Variants in EYS observed in about 807,000 individuals in gnomAD.
EYS encodes EGF-like photoreceptor maintenance factor.
In EYS, 250 loss-of-function variants were observed where a neutral mutation model predicts 282.1. The ratio of observed to expected loss-of-function variants is 0.89; its 90% CI spans 0.80 to 0.98. EYS has a LOEUF of 0.98. Among genes scored for constraint, EYS ranks in the 50% least tolerant of loss-of-function variants. The pLI is 0.00. For missense variants in EYS, 4,016 were observed against 3,709.0 expected (o/e 1.08, Z -2.15); for synonymous variants, 1,355 against 1,282.9 (o/e 1.06, Z -1.20).
At chr6:65,087,992 C>T (rs1037858852) in intron 12 of EYS, among the ~76,000 whole-genome samples, 10 of 152,082 alleles carry the variant, frequency 6.6e-5, no homozygotes, top group African/African-American at 2.4e-4. Flanking sequence ...TTATAAGAGT[C>T]AGGCATCTTC....
intron 12 of EYS, among the ~76,000 whole-genome samples, chr6:65,060,230 CTT>C (rs34441532): frequency 2.1e-4 from 31 of 146,342 alleles, no homozygotes; most frequent in African/African-American, 7.0e-4. Context: ...ACAAGGAAGA[CTT>C]TTTTTTTTTT....
At chr6:64,617,001 A>G (rs1767294176) in intron 24 of EYS, among the ~76,000 whole-genome samples, 1 of 152,148 alleles carries the variant, frequency 6.6e-6, no homozygotes, top group African/African-American at 2.4e-5. Context: ...CTGAGGAAGC[A>G]GATCCGTCCT....
chr6:65,212,490 G>A (rs1299778295), intron 12 of EYS, among the ~76,000 whole-genome samples: 1 of 152,020 alleles, frequency 6.6e-6, no homozygotes. Context: ...TTTCTCATAT[G>A]TTAGCCACTA....
chr6:65,413,324 A>G (rs1238468890), intron 5 of EYS, among the ~76,000 whole-genome samples: 1 of 152,164 alleles, frequency 6.6e-6, no homozygotes, highest in Non-Finnish European at 1.5e-5. Flanking sequence ...GCAATGTACA[A>G]AATAGATTTT....
chr6:64,807,921 C>G (rs1764480335), intron 22 of EYS, among the ~76,000 whole-genome samples: 1 of 151,956 alleles, frequency 6.6e-6, no homozygotes, highest in African/African-American at 2.4e-5. Context: ...GTGGTTCATT[C>G]ATTTTACTAT....
At chr6:65,333,245 T>A (rs907683358) in intron 11 of EYS, among the ~76,000 whole-genome samples, 1 of 151,596 alleles carries the variant, frequency 6.6e-6, no homozygotes, top group African/African-American at 2.4e-5. Context: ...CCATTTTCAA[T>A]AATCTCAAAG....
intron 12 of EYS, among the ~76,000 whole-genome samples, chr6:65,086,533 G>A (rs1774381572): frequency 1.3e-5 from 2 of 152,090 alleles, no homozygotes; most frequent in South Asian, 4.1e-4. Flanking sequence ...AAAAGGGAAT[G>A]GAAGCAGAGA....
chr6:64,099,266 A>G (rs187924667), intron 31 of EYS, among the ~76,000 whole-genome samples: 10 of 152,358 alleles, frequency 6.6e-5, no homozygotes, highest in Admixed American at 2.6e-4. Flanking sequence ...ATGAATAATA[A>G]TTAGTAAGTA....
At chr6:65,045,579 A>C (rs772224587) in intron 13 of EYS, among the ~76,000 whole-genome samples, 5 of 151,884 alleles carry the variant, frequency 3.3e-5, no homozygotes, top group Non-Finnish European at 7.4e-5. Context: ...CCCTTCTGCC[A>C]TGTCAGGTTA....
At position 64,407,784 on chromosome 6, in the gene EYS, T is replaced by A. The variant is rs769524010; in HGVS notation, c.5928-18944A>T. Among the ~76,000 whole-genome samples, 8 of 152,212 alleles carry A rather than the reference T, an allele frequency of 5.3e-5. 1 individual carries two copies. Among genetic ancestry groups the A allele is most frequent in the Non-Finnish European group, 1.2e-4 (8 of 68,008 alleles). On this transcript the variant is annotated intron_variant, in intron 28 of 42. Coordinates refer to ENST00000503581, the MANE Select transcript of EYS (RefSeq NM_001142800.2). ...TTTGCTCTTGTTGCCCAGGCTGGAG[T>A]GCAATGGTGTGATCTTGGCTCACTG...
At chr6:65,067,309 A>G (rs1327089276) in intron 12 of EYS, among the ~76,000 whole-genome samples, 1 of 152,142 alleles carries the variant, frequency 6.6e-6, no homozygotes, top group African/African-American at 2.4e-5. Context: ...GACATAATTA[A>G]ATGATTATTC....
At chr6:63,841,217 G>T (rs918662502) in intron 36 of EYS, among the ~76,000 whole-genome samples, 2 of 152,060 alleles carry the variant, frequency 1.3e-5, no homozygotes, top group Non-Finnish European at 2.9e-5. Flanking sequence ...TCTTTAAAAA[G>T]ATAGTTATTT....
chr6:64,658,442 T>G (rs911565669), intron 22 of EYS, among the ~76,000 whole-genome samples: 1 of 152,208 alleles, frequency 6.6e-6, no homozygotes, highest in Non-Finnish European at 1.5e-5. Context: ...TTTTTAGAGT[T>G]TCCAGTTTTT....
intron 34 of EYS, among the ~76,000 whole-genome samples, chr6:63,993,608 G>C (rs1406353308): frequency 2.0e-5 from 3 of 151,682 alleles, no homozygotes; most frequent in African/African-American, 7.3e-5. Flanking sequence ...ATAAACTTAA[G>C]AGGGCAAAAA....
intron 2 of EYS, among the ~76,000 whole-genome samples, chr6:65,575,294 TC>T (rs1250860986): frequency 6.6e-6 from 1 of 150,610 alleles, no homozygotes; most frequent in African/African-American, 2.4e-5. Flanking sequence ...GCCACTGCAC[TC>T]CAGCCTGGGT....
intron 8 of EYS, among the ~76,000 whole-genome samples, chr6:65,367,398 TA>T (rs1582195116): frequency 6.6e-6 from 1 of 151,922 alleles, no homozygotes; most frequent in African/African-American, 2.4e-5. Context: ...GGCGAATTTT[TA>T]AATAATAAAA....
chr6:65,417,944 A>C (rs139407570), intron 5 of EYS, among the ~76,000 whole-genome samples: 1 of 152,004 alleles, frequency 6.6e-6, no homozygotes, highest in African/African-American at 2.4e-5. Context: ...CATGGGGAGC[A>C]AATAGATATG....
chr6:63,864,065 A>AC (rs1772612253), intron 36 of EYS, 121 bp downstream of exon 36: 1 of 968,018 alleles, frequency 1.0e-6, no homozygotes, highest in Admixed American at 3.6e-5. Context: ...CTTGAAAAGA[A>AC]CCCAGAAGAA....
At position 64,819,676 on chromosome 6, in the gene EYS, A is replaced by G. The variant is rs561125751; in HGVS notation, c.3243+1969T>C. The stretch of plus-strand genomic sequence containing the variant: ...TATAATAATATATTTAAAATATTAC[A>G]GTGGGAAGGATTTCTTTGGAGAGCA... On this transcript the variant is annotated intron_variant, in intron 21 of 42. Transcript: ENST00000503581. Among the ~76,000 whole-genome samples the G allele has an allele frequency of 3.9e-5, 6 of 152,066 alleles. No individual in the cohort carries two copies. In the South Asian group the frequency reaches 1.2e-3, roughly 31 times the overall value.
Sources: gnomAD v4.1 joint callset for allele counts (sites outside exome capture counted in the v4.1 genomes callset) on GRCh38, gnomAD v4.1.1 for gene constraint, MANE v1.5 for transcripts, NCBI Gene and HGNC (gene_info 2026-07-23, HGNC 2026-07-21) for gene names.